The following TBCK variants were observed in gnomAD, a reference collection of about 807,000 sequenced individuals.
TBCK encodes TBC1 domain containing kinase.
A neutral mutation model predicts 113.4 loss-of-function variants in TBCK; 99 were observed. The observed-to-expected ratio is 0.87, with a 90% CI of 0.74 to 1.03. TBCK has a LOEUF of 1.03. Among genes scored for constraint, TBCK ranks in the 50% least tolerant of loss-of-function variants. The probability of loss-of-function intolerance (pLI) is 0.00; values close to 1 mark genes in which losing one functional copy is unlikely to be tolerated. For synonymous variants in TBCK, 369 were observed against 370.8 expected (o/e 1.00, Z 0.05); for missense variants, 1,045 against 1,061.3 (o/e 0.98, Z 0.21).
chr4:106,230,641 CA>C (rs2149988744), intron 18 of TBCK, among the ~76,000 whole-genome samples, 195 bp from the exon 19 acceptor site: 1 of 151,870 alleles, frequency 6.6e-6, no homozygotes, highest in South Asian at 2.1e-4. Flanking sequence ...TTTTAGACAA[CA>C]AAAAATAATA....
At chr4:106,057,545 C>G (rs1330904900) in intron 25 of TBCK, among the ~76,000 whole-genome samples, 2 of 151,678 alleles carry the variant, frequency 1.3e-5, no homozygotes, top group Non-Finnish European at 1.5e-5. Flanking sequence ...CCAGCTTTAT[C>G]AGCAGCCAAA....
At chr4:106,206,079 A>G (rs976738932) in intron 20 of TBCK, among the ~76,000 whole-genome samples, 2 of 152,190 alleles carry the variant, frequency 1.3e-5, no homozygotes, top group Admixed American at 6.5e-5. Context: ...ATCGATAGCT[A>G]TAACTCATGT....
At position 106,170,477 on chromosome 4, in the gene TBCK, G is replaced by A. The variant is rs1226909533; in HGVS notation, c.2235+618C>T. 2.6e-5 allele frequency among the ~76,000 whole-genome samples: 4 copies of A among 151,874 alleles called. No individual in the cohort carries two copies. The East Asian group carries it at 7.7e-4, about 29-fold the overall frequency. ...TAATTTGATTGTGATGGAAATATAT[G>A]AACAAATGAATGTACCCATATATTT... On this transcript the variant is annotated intron_variant, in intron 23 of 25. Transcript: ENST00000394708.
intron 25 of TBCK, among the ~76,000 whole-genome samples, chr4:106,073,239 T>C (rs1170817494): frequency 6.6e-6 from 1 of 152,226 alleles, no homozygotes; most frequent in African/African-American, 2.4e-5. Flanking sequence ...TGTGGTTTTA[T>C]CTATCTTTGG....
chr4:106,110,099 A>G (rs1258151291), intron 24 of TBCK, among the ~76,000 whole-genome samples: 3 of 152,186 alleles, frequency 2.0e-5, no homozygotes, highest in African/African-American at 7.2e-5. Context: ...GACCATGTTA[A>G]TTACCCACAA....
intron 23 of TBCK, among the ~76,000 whole-genome samples, chr4:106,151,941 C>G (rs1442143405): frequency 1.3e-5 from 2 of 151,924 alleles, no homozygotes; most frequent in African/African-American, 4.8e-5. Context: ...GCTTTTTACC[C>G]TGCAACTTTG....
chr4:106,152,024 T>C (rs1355340970), intron 23 of TBCK, among the ~76,000 whole-genome samples: 1 of 151,986 alleles, frequency 6.6e-6, no homozygotes, highest in Non-Finnish European at 1.5e-5. Context: ...CATGTCATCT[T>C]CAAACAAGGA....
intron 23 of TBCK, among the ~76,000 whole-genome samples, chr4:106,127,101 G>C (rs1324161078): frequency 6.6e-6 from 1 of 151,652 alleles, no homozygotes; most frequent in African/African-American, 2.4e-5. Context: ...CCAGCTACTC[G>C]GGAGGCTGAG....
At chr4:106,148,017 G>A (rs1040675858) in intron 23 of TBCK, among the ~76,000 whole-genome samples, 1 of 152,198 alleles carries the variant, frequency 6.6e-6, no homozygotes, top group African/African-American at 2.4e-5. Flanking sequence ...GGCTGTAGGG[G>A]TGAAATATAC....
At chr4:106,078,152 T>G (rs1181487032) in intron 25 of TBCK, among the ~76,000 whole-genome samples, 1 of 152,130 alleles carries the variant, frequency 6.6e-6, no homozygotes, top group African/African-American at 2.4e-5. Context: ...AAGAGGAAGA[T>G]TCATAGCACT....
chr4:106,259,776 G>A (rs1762330926), intron 5 of TBCK, among the ~76,000 whole-genome samples: 1 of 151,782 alleles, frequency 6.6e-6, no homozygotes, highest in Non-Finnish European at 1.5e-5. Context: ...CTTCAGAAAA[G>A]AAAATAATAA....
rs572150850 is a variant in TBCK, at chr4:106,236,490, T to C, written c.1250A>G (p.Asn417Ser). ...DQSNLPHSNS[N>S]NELSAAATLP... ...CGTGGCAGCTGCAGACAACTCATTA[T>C]TGCTGTTTGAATGAGGTAAATTAGA... Residue 417 changes from asparagine (N) to serine (S), a missense_variant, in exon 14 of 26, where the codon AAT becomes AGT. Coordinates refer to ENST00000394708, the MANE Select transcript of TBCK (RefSeq NM_001163435.3). The C allele has an allele frequency of 4.1e-5, 64 of 1,573,726 alleles. No homozygotes were observed. In the South Asian group the frequency reaches 7.4e-4, roughly 18 times the overall value.
chr4:106,218,246 G>C (rs1489263992), intron 19 of TBCK, among the ~76,000 whole-genome samples: 4 of 148,886 alleles, frequency 2.7e-5, no homozygotes, highest in African/African-American at 7.4e-5. Context: ...TTAAACGTTA[G>C]ACCTAAAACC....
At chr4:106,203,354 A>C (rs1227736801) in intron 20 of TBCK, among the ~76,000 whole-genome samples, 1 of 151,392 alleles carries the variant, frequency 6.6e-6, no homozygotes. Flanking sequence ...TGTTGTGTTT[A>C]AATTCTTAAT....
chr4:106,309,537 C>A (rs1579594890), intron 1 of TBCK, among the ~76,000 whole-genome samples: 1 of 151,778 alleles, frequency 6.6e-6, no homozygotes, highest in African/African-American at 2.4e-5. Flanking sequence ...CTCCTGACCT[C>A]GTGATCCACC....
intron 14 of TBCK, among the ~76,000 whole-genome samples, chr4:106,236,036 T>A (rs1258130228): frequency 6.6e-6 from 1 of 151,964 alleles, no homozygotes; most frequent in Non-Finnish European, 1.5e-5. Flanking sequence ...TCATTCCCAG[T>A]GAAGATGAAC....
chr4:106,186,532 C>CT (rs1302316355), intron 22 of TBCK, among the ~76,000 whole-genome samples: 2 of 152,126 alleles, frequency 1.3e-5, no homozygotes, highest in Non-Finnish European at 2.9e-5. Context: ...CAGATGTCTT[C>CT]TTTTGAGAAG....
At chr4:106,242,591 T>A (rs779775181) in intron 11 of TBCK, 22 bp from the exon 12 acceptor site, 3 of 1,471,476 alleles carry the variant, frequency 2.0e-6, no homozygotes, top group South Asian at 2.4e-5. Flanking sequence ...TTTTTAAAAA[T>A]AATATGTACA....
At chr4:106,134,454 G>C (rs994558618) in intron 23 of TBCK, among the ~76,000 whole-genome samples, 10 of 152,296 alleles carry the variant, frequency 6.6e-5, no homozygotes, top group Non-Finnish European at 1.3e-4. Context: ...ATCTGTCCAA[G>C]GACTAACTGA....
Sources: gnomAD v4.1 joint callset for allele counts (sites outside exome capture counted in the v4.1 genomes callset) on GRCh38, gnomAD v4.1.1 for gene constraint, MANE v1.5 for transcripts, NCBI Gene and HGNC (gene_info 2026-07-23, HGNC 2026-07-21) for gene names.